Variants in HSD17B1 observed in about 807,000 individuals in gnomAD.
The protein encoded by HSD17B1 is 17-beta-hydroxysteroid dehydrogenase type 1.
Under a neutral mutation model 22.7 loss-of-function variants are expected in HSD17B1, and 16 were observed. The ratio of observed to expected loss-of-function variants is 0.71; its 90% CI spans 0.48 to 1.07. The LOEUF (loss-of-function observed/expected upper bound fraction) is 1.07. Ranked by LOEUF, HSD17B1 falls within the 50% of genes least tolerant of loss-of-function variation. The probability of loss-of-function intolerance (pLI) is 0.00; values close to 1 mark genes in which losing one functional copy is unlikely to be tolerated. For synonymous variants in HSD17B1, 243 were observed against 211.0 expected, an observed-to-expected ratio of 1.15 and a Z score of -1.31; for missense variants, 533 against 459.9, an observed-to-expected ratio of 1.16 and a Z score of -1.45.
In HSD17B1 at chr17:42,554,932, G is replaced by A; in HGVS notation, c.981G>A (p.Pro327=). 1 of 1,467,096 alleles carries A rather than the reference G, an allele frequency of 6.8e-7. No individual in the cohort carries two copies. The highest frequency in any genetic ancestry group is 8.9e-7 in the Non-Finnish European group (1 of 1,117,940). The allele number at this position is 1,467,096 out of a possible 1,614,324, so 90.9% of individuals were successfully genotyped here. The change falls in exon 6 of 6, where the codon CCG becomes CCA. Residue 327 remains proline (P), a synonymous_variant. Transcript: ENST00000585807. The part of the protein sequence containing the change: ...DPELGDPPAA[P]Q ...AGCTCGGCGATCCTCCGGCCGCCCC[G>A]CAGTAAAGGCTTCCTCAGCCGCTGT...
In HSD17B1 at chr17:42,554,892, C is replaced by T. The variant is rs1433111349; in HGVS notation, c.941C>T (p.Ala314Val). ...GCAGAGGACGAGGCCGGGCGCGGTG[C>T]GGTGGGGGACCCTGAGCTCGGCGAT... is the stretch of plus-strand genomic sequence containing the variant. ...PGAEDEAGRG[A>V]VGDPELGDPP... is the part of the protein sequence containing the mutation. The change falls in exon 6 of 6, where the codon GCG (alanine) becomes GTG (valine). Residue 314 changes from alanine (A) to valine (V), a missense_variant. Ala to Val is a moderately conservative substitution (Grantham distance 64). Transcript: ENST00000585807. 1 of 1,526,676 alleles carries T rather than the reference C, an allele frequency of 6.6e-7. No individual in the cohort carries two copies. Among genetic ancestry groups the T allele is most frequent in the Non-Finnish European group, 8.7e-7 (1 of 1,145,816 alleles). The allele number at this position is 1,526,676 out of a possible 1,614,324, so 94.6% of individuals were successfully genotyped here. A position where few individuals can be genotyped will look rare whatever the true frequency, so the allele number is the denominator to read the frequency against.
Position 42,553,597 on chromosome 17 carries a change from G to A in HSD17B1, c.424G>A (p.Gly142Arg), listed in dbSNP as rs776815459. The A allele has an allele frequency of 8.7e-6, 14 of 1,608,692 alleles. No individual in the cohort carries two copies. The highest frequency in any genetic ancestry group is 1.2e-5 in the Non-Finnish European group (14 of 1,177,600). ...RRGSGRVLVT[G>R]SVGGLMGLPF... Reference sequence around the variant, plus strand: ...CGGTTCGGGACGCGTGTTGGTGACCGGGAGCGTGGGAGGATTGATGGGTGA... The same window carrying A: ...CGGTTCGGGACGCGTGTTGGTGACCAGGAGCGTGGGAGGATTGATGGGTGA... Residue 142 changes from glycine (G) to arginine (R), a missense_variant, in exon 3 of 6, where the codon GGG becomes AGG. Physicochemically the swap from Gly to Arg is moderately radical, Grantham distance 125 (BLOSUM62 -2). Coordinates refer to ENST00000585807, the MANE Select transcript of HSD17B1 (RefSeq NM_000413.4).
chr17:42,554,150 G>T, intron 4 of HSD17B1: 1 of 650,184 alleles, frequency 1.5e-6, no homozygotes. Flanking sequence ...AGCGGCCAGG[G>T]ACCCCGCTAG....
chr17:42,553,007 C>T lies in HSD17B1; in HGVS notation c.74C>T (p.Ser25Leu). The change falls in exon 1 of 6, where the codon TCA becomes TTA. Residue 25 changes from serine (S) to leucine (L), a missense_variant. Coordinates refer to ENST00000585807, the MANE Select transcript of HSD17B1 (RefSeq NM_000413.4). The part of the protein sequence containing the change: ...IGLHLAVRLA[S>L]DPSQSFKVYA... Reference sequence around the variant, plus strand: ...CTGCACTTGGCCGTACGTCTGGCTTCAGATCCATCCCAGAGCTTCAAAGGT... The same window carrying T: ...CTGCACTTGGCCGTACGTCTGGCTTTAGATCCATCCCAGAGCTTCAAAGGT... The T allele has an allele frequency of 6.2e-7, 1 of 1,614,112 alleles. No homozygotes were observed. Among genetic ancestry groups the T allele is most frequent in the Non-Finnish European group, 8.5e-7 (1 of 1,179,984 alleles).
In HSD17B1 at chr17:42,554,798, G is replaced by C. The variant is rs1333994198; in HGVS notation, c.847G>C (p.Glu283Gln). The change falls in exon 6 of 6, where the codon GAA becomes CAA. Residue 283 changes from glutamate to glutamine, a missense_variant. Physicochemically the swap from Glu to Gln is conservative, Grantham distance 29. Coordinates refer to ENST00000585807, the MANE Select transcript of HSD17B1 (RefSeq NM_000413.4). ...CAACTACGTCACCGCCATGCACCGG[G>C]AAGTGTTCGGCGACGTTCCGGCAAA... is the stretch of plus-strand genomic sequence containing the variant. ...GSNYVTAMHR[E>Q]VFGDVPAKAE... is the part of the protein sequence containing the mutation. The C allele has an allele frequency of 5.6e-6, 9 of 1,602,080 alleles. No homozygotes were observed. The highest frequency in any genetic ancestry group is 5.3e-5 in the African/African-American group (4 of 74,904).
intron 2 of HSD17B1, 58 bp downstream of exon 2, chr17:42,553,349 C>A: frequency 1.9e-6 from 3 of 1,603,278 alleles, no homozygotes; most frequent in Non-Finnish European, 2.5e-6. Context: ...GCGTTGAAAC[C>A]AACATGTTCC....
At chr17:42,554,209 G>C (rs1389671305) in intron 4 of HSD17B1, 196 bp from the exon 5 acceptor site, 1 of 787,102 alleles carries the variant, frequency 1.3e-6, no homozygotes, top group African/African-American at 1.7e-5. Flanking sequence ...ATGGATTTGG[G>C]AGGGCTGCTC....
chr17:42,552,938 C>T lies in HSD17B1; in HGVS notation c.5C>T (p.Ala2Val), dbSNP rs1405617438. 4 of 1,613,820 alleles carry T rather than the reference C, an allele frequency of 2.5e-6. No individual in the cohort carries two copies. The highest frequency in any genetic ancestry group is 3.4e-6 in the Non-Finnish European group (4 of 1,179,838). ...GCCTCTCCCCACAGTCTCACCATGG[C>T]CCGCACCGTGGTGCTCATCACCGGC... MARTVVLITGCS... is the reference protein window; with the variant it reads MVRTVVLITGCS... The change falls in exon 1 of 6, where the codon GCC becomes GTC. Residue 2 changes from alanine to valine, a missense_variant. Coordinates refer to ENST00000585807, the MANE Select transcript of HSD17B1 (RefSeq NM_000413.4).
chr17:42,553,776 C>A lies in HSD17B1; in HGVS notation c.446-18C>A, dbSNP rs1400836301. ...CCCCTGGCCGCTGCGCCTCAGGAAC[C>A]TCGTCTCCCCACCTAAGGGCTGCCT... is the stretch of plus-strand genomic sequence containing the variant. On this transcript the variant is annotated intron_variant, in intron 3 of 5. Transcript: ENST00000585807. The A allele has an allele frequency of 6.2e-7, 1 of 1,611,482 alleles. No individual in the cohort carries two copies. The highest frequency in any genetic ancestry group is 1.7e-5 in the Admixed American group (1 of 59,698).
Position 42,553,522 on chromosome 17 carries a change from G to A in HSD17B1, c.349G>A (p.Val117Ile), listed in dbSNP as rs1425368073. 5.6e-6 allele frequency: 9 copies of A among 1,614,050 alleles called. No homozygotes were observed. The East Asian group carries it at 1.3e-4, about 24-fold the overall frequency. ...GGCCTCTGTGCTGGACGTGAATGTA[G>A]TAGGGACTGTGCGGATGCTGCAGGC... ...AVASVLDVNV[V>I]GTVRMLQAFL... The change falls in exon 3 of 6, where the codon GTA (valine) becomes ATA (isoleucine). Residue 117 changes from valine (V) to isoleucine (I), a missense_variant. By Grantham distance (29) the Val-to-Ile change is conservative (BLOSUM62 3). Coordinates refer to ENST00000585807, the MANE Select transcript of HSD17B1 (RefSeq NM_000413.4).
At chr17:42,553,688 T>A in intron 3 of HSD17B1, 70 bp downstream of exon 3, 2 of 1,562,506 alleles carry the variant, frequency 1.3e-6, no homozygotes, top group Non-Finnish European at 1.7e-6. Flanking sequence ...GAAGGCAGGT[T>A]CCGCGGGGGG....
chr17:42,554,833 TG>T lies in HSD17B1; in HGVS notation c.886del (p.Ala296ProfsTer60). 1.3e-6 allele frequency: 2 copies of T among 1,595,312 alleles called. No individual in the cohort carries two copies. Among genetic ancestry groups the T allele is most frequent in the Non-Finnish European group, 8.5e-7 (1 of 1,177,404 alleles). On this transcript the variant is annotated frameshift_variant, in exon 6 of 6. Transcript: ENST00000585807. LOFTEE classifies it low-confidence loss of function (END_TRUNC). Reference protein sequence around the residue: ...FGDVPAKAEAGAEAGGGAGPG... With the variant: ...FGDVPAKAEAXAEAGGGAGPG... ...GCGACGTTCCGGCAAAGGCCGAGGC[TG>T]GGGCCGAGGCTGGGGGCGGGGCCGG...
At chr17:42,553,729 G>A in intron 3 of HSD17B1, 65 bp from the exon 4 acceptor site, 1 of 1,595,452 alleles carries the variant, frequency 6.3e-7, no homozygotes, top group South Asian at 1.1e-5. Flanking sequence ...GCTTGGAGGG[G>A]CACCGTCTGC....
chr17:42,553,500 C>T lies in HSD17B1; in HGVS notation c.327C>T (p.Ala109=), dbSNP rs767024749. ...AGGCGCTGGGGGAGGACGCCGTGGC[C>T]TCTGTGCTGGACGTGAATGTAGTAG... ...PLEALGEDAV[A]SVLDVNVVGT... The change falls in exon 3 of 6, where the codon GCC becomes GCT. Residue 109 remains alanine, a synonymous_variant. Coordinates refer to ENST00000585807, the MANE Select transcript of HSD17B1 (RefSeq NM_000413.4). 3 of 1,613,960 alleles carry T rather than the reference C, an allele frequency of 1.9e-6. No individual in the cohort carries two copies. The highest frequency in any genetic ancestry group is 4.5e-5 in the East Asian group (2 of 44,870).
intron 4 of HSD17B1, 148 bp downstream of exon 4, chr17:42,554,035 G>T (rs2092954026): frequency 2.7e-6 from 2 of 731,982 alleles, no homozygotes; most frequent in Admixed American, 4.4e-5. Context: ...TGGGCTGGGC[G>T]CATGGCACGC....
In HSD17B1 at chr17:42,553,145, T is replaced by C. The variant is rs1352667293; in HGVS notation, c.119T>C (p.Leu40Pro). ...CCAGTGTATGCCACGTTGAGGGACC[T>C]GAAAACACAGGGCCGGCTGTGGGAG... ...SFKVYATLRD[L>P]KTQGRLWEAA... The change falls in exon 2 of 6, where the codon CTG becomes CCG. Residue 40 changes from leucine to proline, a missense_variant. Transcript: ENST00000585807. 2 of 1,613,828 alleles carry C rather than the reference T, an allele frequency of 1.2e-6. No homozygotes were observed. Among genetic ancestry groups the C allele is most frequent in the Non-Finnish European group, 1.7e-6 (2 of 1,179,976 alleles).
Position 42,554,404 on chromosome 17 carries a change from G to T in HSD17B1, c.540-1G>T. 1 of 1,603,174 alleles carries T rather than the reference G, an allele frequency of 6.2e-7. No individual in the cohort carries two copies. Among genetic ancestry groups the T allele is most frequent in the Non-Finnish European group, 8.5e-7 (1 of 1,173,446 alleles). ...CCCACTCGTTGCTCTCCGGCCAGCA[G>T]CTTGAGCCTGATCGAGTGCGGCCCA... On this transcript the variant is annotated splice_acceptor_variant, in intron 4 of 5. Coordinates refer to ENST00000585807, the MANE Select transcript of HSD17B1 (RefSeq NM_000413.4). LOFTEE classifies it high-confidence loss of function.
rs768171940 is a variant in HSD17B1 at position 42,554,706 on chromosome 17, T to A, written c.755T>A (p.Leu252Gln). ...GCTTTGCGCGCCCCGAAGCCGACCC[T>A]GCGCTACTTCACCACCGAGCGCTTC... ...LTALRAPKPT[L>Q]RYFTTERFLP... is the part of the protein sequence containing the mutation. The change falls in exon 6 of 6, where the codon CTG becomes CAG. Residue 252 changes from leucine to glutamine, a missense_variant. Leu to Gln is a moderately radical substitution (Grantham distance 113). Transcript: ENST00000585807. The A allele has an allele frequency of 1.9e-5, 31 of 1,603,496 alleles. No homozygotes were observed. The Admixed American group carries it at 4.8e-4, about 25-fold the overall frequency.
chr17:42,554,909 C>A lies in HSD17B1; in HGVS notation c.958C>A (p.Leu320Ile). The A allele has an allele frequency of 6.7e-7, 1 of 1,487,246 alleles. No homozygotes were observed. Among genetic ancestry groups the A allele is most frequent in the Non-Finnish European group, 8.9e-7 (1 of 1,128,492 alleles). The allele number at this position is 1,487,246 out of a possible 1,614,324, so 92.1% of individuals were successfully genotyped here. ...AGRGAVGDPE[L>I]GDPPAAPQ Reference sequence around the variant, plus strand: ...GCGCGGTGCGGTGGGGGACCCTGAGCTCGGCGATCCTCCGGCCGCCCCGCA... The same window carrying A: ...GCGCGGTGCGGTGGGGGACCCTGAGATCGGCGATCCTCCGGCCGCCCCGCA... The change falls in exon 6 of 6, where the codon CTC (leucine) becomes ATC (isoleucine). Residue 320 changes from leucine to isoleucine, a missense_variant. Transcript: ENST00000585807.
Sources: gnomAD v4.1 joint callset for allele counts on GRCh38, gnomAD v4.1.1 for gene constraint, MANE v1.5 for transcripts, NCBI Gene and HGNC (gene_info 2026-07-23, HGNC 2026-07-21) for gene names.